USH2A: variants seen among roughly 807,000 people sequenced by gnomAD.
The protein encoded by USH2A is usherin, also known as Usher syndrome 2A (autosomal recessive, mild).
In USH2A, 443 loss-of-function variants were observed where a neutral mutation model predicts 538.9. The ratio of observed to expected loss-of-function variants is 0.82; its 90% CI spans 0.76 to 0.89. USH2A has a LOEUF of 0.89. Among genes scored for constraint, USH2A ranks in the 40% least tolerant of loss-of-function variants. The pLI is 0.00. For synonymous variants in USH2A, 2,413 were observed against 2,273.5 expected (o/e 1.06, Z -1.75); for missense variants, 6,633 against 6,324.8 (o/e 1.05, Z -1.65).
chr1:215,929,959 A>G (rs925470647), intron 38 of USH2A, among the ~76,000 whole-genome samples: 1 of 151,972 alleles, frequency 6.6e-6, no homozygotes, highest in Non-Finnish European at 1.5e-5. Context: ...GAGAGAGTCG[A>G]AAAGACCCTG....
chr1:215,688,434 T>C (rs910742503), intron 61 of USH2A, among the ~76,000 whole-genome samples: 8 of 152,106 alleles, frequency 5.3e-5, no homozygotes, highest in Non-Finnish European at 8.8e-5. Flanking sequence ...CAATTTAATC[T>C]AGGTTTTGAA....
At position 215,786,665 on chromosome 1, in the gene USH2A, G is replaced by C. The variant is rs746536041; in HGVS notation, c.10387+5C>G. On this transcript the variant is annotated splice_donor_5th_base_variant and intron_variant, in intron 52 of 71. Transcript: ENST00000307340. ...GCCATGGGCAGACAGCTTGCTTTCT[G>C]TTACCTGTGTAAGAGTACGTGTTTA... The C allele has an allele frequency of 2.3e-5, 37 of 1,613,798 alleles. No individual in the cohort carries two copies. Among genetic ancestry groups the C allele is most frequent in the Non-Finnish European group, 2.9e-5 (34 of 1,179,866 alleles).
intron 32 of USH2A, among the ~76,000 whole-genome samples, chr1:216,023,589 A>G (rs1343741787): frequency 1.3e-5 from 2 of 151,706 alleles, no homozygotes; most frequent in African/African-American, 4.8e-5. Context: ...CACACAAACC[A>G]TATTTTATAA....
chr1:215,766,214 C>G (rs889905681), intron 56 of USH2A, among the ~76,000 whole-genome samples: 1 of 152,106 alleles, frequency 6.6e-6, no homozygotes, highest in African/African-American at 2.4e-5. Context: ...CGATGGGTTT[C>G]TATCTCTTCC....
intron 13 of USH2A, among the ~76,000 whole-genome samples, chr1:216,237,580 A>G (rs2035854189): frequency 6.6e-6 from 1 of 151,952 alleles, no homozygotes; most frequent in African/African-American, 2.4e-5. Flanking sequence ...ACCTGGACTT[A>G]TAAATGGCTC....
At chr1:216,175,207 T>G in intron 21 of USH2A, 45 bp downstream of exon 21, 2 of 1,611,714 alleles carry the variant, frequency 1.2e-6, no homozygotes, top group Non-Finnish European at 8.5e-7. Context: ...GAAAACATTT[T>G]GGAGCTTCGT....
chr1:215,837,258 G>A (rs1376523053), intron 47 of USH2A, among the ~76,000 whole-genome samples: 1 of 151,830 alleles, frequency 6.6e-6, no homozygotes, highest in Non-Finnish European at 1.5e-5. Context: ...GTGTGTATGT[G>A]TCTGTGTGTG....
chr1:216,060,472 T>G (rs1049413490), intron 30 of USH2A, among the ~76,000 whole-genome samples: 1 of 152,228 alleles, frequency 6.6e-6, no homozygotes, highest in African/African-American at 2.4e-5. Context: ...ATTATTTGTG[T>G]TATAAATTAA....
chr1:216,207,648 G>A lies in USH2A; in HGVS notation c.3158-217C>T, dbSNP rs575596275. The stretch of plus-strand genomic sequence containing the variant: ...TAAAAAAACTTTTTAGGTCAAAGCA[G>A]CTGGCATAAATATAGTTGGGGGTAA... On this transcript the variant is annotated intron_variant, in intron 15 of 71. Coordinates refer to ENST00000307340, the MANE Select transcript of USH2A (RefSeq NM_206933.4). Among the ~76,000 whole-genome samples the A allele has an allele frequency of 8.6e-5, 13 of 150,526 alleles. No homozygotes were observed. The South Asian group carries it at 2.7e-3, about 32-fold the overall frequency.
chr1:216,361,142 T>G (rs921936176), intron 4 of USH2A, among the ~76,000 whole-genome samples: 1 of 152,092 alleles, frequency 6.6e-6, no homozygotes, highest in African/African-American at 2.4e-5. Flanking sequence ...ACGTTACCAC[T>G]GCAGAATGGT....
chr1:215,865,538 G>C (rs763729244), intron 44 of USH2A, among the ~76,000 whole-genome samples: 1 of 152,142 alleles, frequency 6.6e-6, no homozygotes, highest in Non-Finnish European at 1.5e-5. Context: ...CTTTTAAGAT[G>C]AATCAGTTAG....
chr1:216,219,053 C>T (rs2035402630), intron 14 of USH2A, among the ~76,000 whole-genome samples: 1 of 151,790 alleles, frequency 6.6e-6, no homozygotes, highest in South Asian at 2.1e-4. Flanking sequence ...ATAAGTGTCT[C>T]TTGAGTATTT....
At chr1:216,062,540 C>T (rs954231030) in intron 30 of USH2A, among the ~76,000 whole-genome samples, 4 of 152,098 alleles carry the variant, frequency 2.6e-5, no homozygotes, top group Admixed American at 1.3e-4. Context: ...TCACTATGTG[C>T]CTGTTTCTGA....
intron 16 of USH2A, among the ~76,000 whole-genome samples, chr1:216,203,589 T>A (rs981525396): frequency 6.6e-6 from 1 of 152,144 alleles, no homozygotes; most frequent in South Asian, 2.1e-4. Flanking sequence ...TCATCTTCTC[T>A]TCTGTTTTCT....
intron 9 of USH2A, among the ~76,000 whole-genome samples, chr1:216,293,137 G>T (rs771920589): frequency 6.8e-6 from 1 of 147,906 alleles, no homozygotes; most frequent in Admixed American, 6.9e-5. Context: ...CGATTCTCCC[G>T]CCTCAGCCTC....
chr1:216,173,639 C>CA (rs1307556827), intron 21 of USH2A, among the ~76,000 whole-genome samples: 1 of 152,182 alleles, frequency 6.6e-6, no homozygotes, highest in Non-Finnish European at 1.5e-5. Flanking sequence ...CCTTGCACCT[C>CA]AGAGTATAAG....
intron 10 of USH2A, among the ~76,000 whole-genome samples, chr1:216,289,621 C>T (rs948224018): frequency 1.3e-5 from 2 of 152,084 alleles, no homozygotes; most frequent in African/African-American, 4.8e-5. Context: ...CATTAAACTC[C>T]CATCTGTTAT....
At chr1:215,857,079 G>A (rs76798671) in intron 44 of USH2A, among the ~76,000 whole-genome samples, 9,167 of 152,126 alleles carry the variant, frequency 0.06, 375 homozygotes, top group Non-Finnish European at 0.09. Context: ...TGGGTGGAAG[G>A]GAGGCAACGG....
chr1:216,204,539 G>A (rs2102476777), intron 16 of USH2A, among the ~76,000 whole-genome samples: 1 of 152,142 alleles, frequency 6.6e-6, no homozygotes, highest in East Asian at 1.9e-4. Flanking sequence ...GCTAGAAAAA[G>A]TTTCCATTCT....
Sources: gnomAD v4.1 joint callset for allele counts (sites outside exome capture counted in the v4.1 genomes callset) on GRCh38, gnomAD v4.1.1 for gene constraint, MANE v1.5 for transcripts, NCBI Gene and HGNC (gene_info 2026-07-23, HGNC 2026-07-21) for gene names.